The following CLSTN1 variants were observed in gnomAD, a reference collection of about 807,000 sequenced individuals.
CLSTN1 encodes calsyntenin-1.
A neutral mutation model predicts 108.3 loss-of-function variants in CLSTN1; 28 were observed. The observed-to-expected ratio is 0.26, with a 90% CI of 0.19 to 0.35. CLSTN1 has a LOEUF of 0.35. CLSTN1 is among the 10% of genes least tolerant of loss of function. The pLI is 1.00. For missense variants in CLSTN1, 1,157 were observed against 1,302.6 expected, an observed-to-expected ratio of 0.89 and a Z score of 1.72; for synonymous variants, 524 against 534.9, an observed-to-expected ratio of 0.98 and a Z score of 0.28.
chr1:9,796,403 G>A (rs188020070), intron 1 of CLSTN1, among the ~76,000 whole-genome samples: 1,534 of 151,032 alleles, frequency 0.01, 32 homozygotes, highest in African/African-American at 0.034. Flanking sequence ...TGGGCCAGGC[G>A]CGGTGGCTCA....
At chr1:9,768,857 T>C (rs1052130401) in intron 2 of CLSTN1, among the ~76,000 whole-genome samples, 1 of 141,556 alleles carries the variant, frequency 7.1e-6, no homozygotes. Context: ...GGTGGGGTTC[T>C]GTGTTGGGTG....
rs1291694597 is a variant in CLSTN1 at position 9,730,882 on chromosome 1, T to C, written c.2749-177A>G. On this transcript the variant is annotated intron_variant, in intron 18 of 18. Transcript: ENST00000377298. The surrounding 1 kb of genome is among the most constrained non-coding windows in gnomAD (Gnocchi z 5.6). The stretch of plus-strand genomic sequence containing the variant: ...ATTAGAAGTGAAGGGAAAACAAAGC[T>C]CCAGTCAGCACCCACGGAGTCACCC... Among the ~76,000 whole-genome samples, 1 of 151,786 alleles carries C rather than the reference T, an allele frequency of 6.6e-6. No individual in the cohort carries two copies. The highest frequency in any genetic ancestry group is 1.5e-5 in the Non-Finnish European group (1 of 67,964).
At chr1:9,824,296 G>T (rs1272236977), upstream of CLSTN1, 3 of 151,956 alleles carry the variant, frequency 2.0e-5, no homozygotes, top group Non-Finnish European at 4.4e-5. This position sits in a 1 kb window ranked among gnomAD's most constrained non-coding sequence, Gnocchi z 5.0. Context: ...CCCTACGCGC[G>T]CTCCCGGGCT....
rs771100196 is a variant in CLSTN1, at chr1:9,733,386, G to T, written c.2427+15C>A. 12 of 1,613,968 alleles carry T rather than the reference G, an allele frequency of 7.4e-6. No homozygotes were observed. Among genetic ancestry groups the T allele is most frequent in the Middle Eastern group, 1.6e-4 (1 of 6,074 alleles). ...TGCTGCTATTGGCCCTGCTCAGTGG[G>T]AGCCTTGTACTCACCTCCACCTTAA... On this transcript the variant is annotated intron_variant, in intron 16 of 18. Transcript: ENST00000377298.
intron 4 of CLSTN1, among the ~76,000 whole-genome samples, chr1:9,752,673 C>A (rs949865607): frequency 7.2e-5 from 11 of 151,984 alleles, no homozygotes; most frequent in Non-Finnish European, 7.4e-5. Flanking sequence ...ACCATCCTGG[C>A]CAACATGGTG....
At chr1:9,770,080 A>C (rs975797484) in intron 2 of CLSTN1, among the ~76,000 whole-genome samples, 1 of 152,184 alleles carries the variant, frequency 6.6e-6, no homozygotes, top group Non-Finnish European at 1.5e-5. Flanking sequence ...ATCTCCAAAA[A>C]AGAAAAAAGA....
chr1:9,809,683 A>G (rs1654646467), intron 1 of CLSTN1, among the ~76,000 whole-genome samples: 1 of 151,888 alleles, frequency 6.6e-6, no homozygotes, highest in African/African-American at 2.4e-5. Context: ...CAGGTGGATC[A>G]TGAGGTCAAG....
chr1:9,810,377 G>A (rs976963223), intron 1 of CLSTN1, among the ~76,000 whole-genome samples: 3 of 150,846 alleles, frequency 2.0e-5, no homozygotes, highest in African/African-American at 7.3e-5. Context: ...TCGGGAGGCT[G>A]AGGCAGGAGA....
chr1:9,730,791 A>C lies in CLSTN1; in HGVS notation c.2749-86T>G. On this transcript the variant is annotated intron_variant, in intron 18 of 18. Coordinates refer to ENST00000377298, the MANE Select transcript of CLSTN1 (RefSeq NM_001009566.3). This position sits in a 1 kb window ranked among gnomAD's most constrained non-coding sequence, Gnocchi z 5.6. ...ATTCTCCTCTCGACAGCCACAGAGG[A>C]AGGAGAACTTGCCCCAGCGTCTCCC... 7.7e-7 allele frequency: 1 copy of C among 1,302,038 alleles called. No individual in the cohort carries two copies. Among genetic ancestry groups the C allele is most frequent in the Non-Finnish European group, 1.1e-6 (1 of 934,986 alleles). 80.7% of individuals were successfully genotyped at this position (1,302,038 alleles called of 1,614,324 possible). A position where few individuals can be genotyped will look rare whatever the true frequency, so the allele number is the denominator to read the frequency against.
rs750319735 is a variant in CLSTN1 at position 9,749,450 on chromosome 1, G to T, written c.985+11C>A. The T allele has an allele frequency of 8.1e-6, 13 of 1,595,522 alleles. No individual in the cohort carries two copies. The East Asian group carries it at 2.9e-4, about 36-fold the overall frequency. On this transcript the variant is annotated intron_variant, in intron 7 of 18. Coordinates refer to ENST00000377298, the MANE Select transcript of CLSTN1 (RefSeq NM_001009566.3). ...AAGCCAGCCGGATGCAAGAACGCCT[G>T]GTCTCCTTACCACAGAGCCGGTGGA...
At chr1:9,751,303 C>T (rs917388817) in intron 5 of CLSTN1, among the ~76,000 whole-genome samples, 170 bp downstream of exon 5, 1 of 152,102 alleles carries the variant, frequency 6.6e-6, no homozygotes, top group Non-Finnish European at 1.5e-5. Context: ...TGTCAGGGAA[C>T]AAAGTAGAAA....
intron 15 of CLSTN1, 109 bp from the exon 16 acceptor site, chr1:9,733,655 G>A (rs1348466213): frequency 7.6e-7 from 1 of 1,323,956 alleles, no homozygotes; most frequent in Non-Finnish European, 1.1e-6. Context: ...GGTTAGCTAG[G>A]CCAAGGGGTC....
rs561615588 is a variant in CLSTN1, at chr1:9,796,399, A to G, written c.92-23005T>C. Among the ~76,000 whole-genome samples the G allele has an allele frequency of 2.1e-4, 32 of 150,548 alleles. 1 individual carries two copies. The highest frequency in any genetic ancestry group is 6.1e-4 in the East Asian group (3 of 4,948). Reference sequence around the variant, plus strand: ...GGATGAAAATAAAGATGGGTGGGCCAGGCGCGGTGGCTCACGCCTGTAATC... The same window carrying G: ...GGATGAAAATAAAGATGGGTGGGCCGGGCGCGGTGGCTCACGCCTGTAATC... On this transcript the variant is annotated intron_variant, in intron 1 of 18. Coordinates refer to ENST00000377298, the MANE Select transcript of CLSTN1 (RefSeq NM_001009566.3).
intron 1 of CLSTN1, among the ~76,000 whole-genome samples, chr1:9,780,417 T>C (rs1653187351): frequency 6.6e-6 from 1 of 152,134 alleles, no homozygotes; most frequent in Non-Finnish European, 1.5e-5. Flanking sequence ...TGATGAGTAG[T>C]AACGTAAAAT....
intron 1 of CLSTN1, among the ~76,000 whole-genome samples, chr1:9,793,580 GA>G (rs1653862979): frequency 6.6e-6 from 1 of 151,484 alleles, no homozygotes; most frequent in African/African-American, 2.4e-5. Context: ...GAGGCCATTC[GA>G]AAGCTTTCTT....
At chr1:9,744,289 A>C (rs892189332) in intron 8 of CLSTN1, 106 bp downstream of exon 8, 1 of 1,464,434 alleles carries the variant, frequency 6.8e-7, no homozygotes, top group Non-Finnish European at 9.2e-7. Context: ...ATGGCCTACG[A>C]GCACCAGGCT....
Position 9,749,445 on chromosome 1 carries a change from C to G in CLSTN1, c.985+16G>C. The G allele has an allele frequency of 6.3e-7, 1 of 1,592,188 alleles. No homozygotes were observed. The highest frequency in any genetic ancestry group is 1.9e-5 in the Admixed American group (1 of 53,230). ...CACCAAAGCCAGCCGGATGCAAGAA[C>G]GCCTGGTCTCCTTACCACAGAGCCG... On this transcript the variant is annotated intron_variant, in intron 7 of 18. Coordinates refer to ENST00000377298, the MANE Select transcript of CLSTN1 (RefSeq NM_001009566.3).
At chr1:9,799,878 T>G (rs1033446058) in intron 1 of CLSTN1, among the ~76,000 whole-genome samples, 16 of 145,922 alleles carry the variant, frequency 1.1e-4, no homozygotes, top group African/African-American at 3.8e-4. Context: ...GAGGCGGAGG[T>G]TGCAGTGAGC....
intron 1 of CLSTN1, among the ~76,000 whole-genome samples, chr1:9,811,727 A>G (rs1432928384): frequency 7.3e-6 from 1 of 137,652 alleles, no homozygotes; most frequent in Admixed American, 7.0e-5. Context: ...CTTGAAATGC[A>G]TGGCAAAAAA....
Sources: allele counts gnomAD v4.1 joint callset (sites outside exome capture counted in the v4.1 genomes callset), GRCh38; gene constraint gnomAD v4.1.1; non-coding constraint Gnocchi (gnomAD v3.1); transcripts MANE v1.5; gene names NCBI Gene and HGNC (gene_info 2026-07-23, HGNC 2026-07-21).